Variants in CSF1R observed in about 807,000 individuals in gnomAD.
The protein encoded by CSF1R is colony stimulating factor 1 receptor.
In CSF1R, 40 loss-of-function variants were observed where a neutral mutation model predicts 110.0. That is an observed-to-expected ratio of 0.36 (90% CI 0.28 to 0.47). CSF1R has a LOEUF of 0.47. Ranked by LOEUF, CSF1R falls within the 20% of genes least tolerant of loss-of-function variation. The probability of loss-of-function intolerance (pLI) is 0.99; values close to 1 mark genes in which losing one functional copy is unlikely to be tolerated. For missense variants in CSF1R, 1,052 were observed against 1,253.0 expected (o/e 0.84, Z 2.42); for synonymous variants, 523 against 503.4 (o/e 1.04, Z -0.52).
intron 19 of CSF1R, 122 bp downstream of exon 19, chr5:150,055,115 G>T (rs1757144556): frequency 1.2e-6 from 1 of 806,232 alleles, no homozygotes; most frequent in Non-Finnish European, 2.0e-6. Flanking sequence ...TCCACTATGG[G>T]AGAGATAAAG....
chr5:150,095,980 C>T (rs1759211173), intron 1 of CSF1R, among the ~76,000 whole-genome samples: 1 of 152,138 alleles, frequency 6.6e-6, no homozygotes. Flanking sequence ...ATGAACAGTC[C>T]TGTATCTATT....
At chr5:150,061,449 TACCA>T in intron 12 of CSF1R, 38 bp downstream of exon 12, 1 of 469,314 alleles carries the variant, frequency 2.1e-6, no homozygotes, top group Non-Finnish European at 3.7e-6. Context: ...CCCCAGCATC[TACCA>T]CCCCCCATCC....
At chr5:150,082,499 C>T (rs552362401) in intron 1 of CSF1R, among the ~76,000 whole-genome samples, 1 of 152,374 alleles carries the variant, frequency 6.6e-6, no homozygotes, top group African/African-American at 2.4e-5. Context: ...TTGTAGCCCT[C>T]CTATGCAGTG....
At chr5:150,074,560 C>T (rs1264282689) in intron 5 of CSF1R, among the ~76,000 whole-genome samples, 1 of 152,074 alleles carries the variant, frequency 6.6e-6, no homozygotes, top group East Asian at 1.9e-4. Flanking sequence ...GTGGCAAGAA[C>T]CCCAATTCAC....
At chr5:150,092,424 T>C (rs981854581) in intron 1 of CSF1R, among the ~76,000 whole-genome samples, 2 of 148,368 alleles carry the variant, frequency 1.3e-5, no homozygotes, top group African/African-American at 5.1e-5. Context: ...CTAAACCCTG[T>C]ATATGCCATG....
chr5:150,112,848 T>C (rs1759767039), intron 1 of CSF1R, among the ~76,000 whole-genome samples: 1 of 152,184 alleles, frequency 6.6e-6, no homozygotes, highest in South Asian at 2.1e-4. Flanking sequence ...CCCAGACTCC[T>C]GGAGGCAGTC....
intron 1 of CSF1R, among the ~76,000 whole-genome samples, chr5:150,084,966 A>G (rs567768583): frequency 4.7e-4 from 71 of 152,022 alleles, no homozygotes; most frequent in Non-Finnish European, 9.1e-4. Context: ...TTTCTACTGC[A>G]TGTAAGTTAC....
At chr5:150,085,277 G>GAA (rs70973563) in intron 1 of CSF1R, among the ~76,000 whole-genome samples, 45 of 92,458 alleles carry the variant, frequency 4.9e-4, no homozygotes, top group Admixed American at 6.5e-4. Context: ...TCTGTCTCAG[G>GAA]AAAAAAAAAA....
At chr5:150,094,200 A>G in intron 1 of CSF1R, 1 of 687,132 alleles carries the variant, frequency 1.5e-6, no homozygotes, top group Admixed American at 3.0e-5. Flanking sequence ...AATGAGGGAC[A>G]TTACATAGTG....
chr5:150,100,249 G>A (rs1759361218), intron 1 of CSF1R, among the ~76,000 whole-genome samples: 1 of 149,436 alleles, frequency 6.7e-6, no homozygotes, highest in Non-Finnish European at 1.5e-5. Flanking sequence ...GGATGGGGGA[G>A]GGAAAGACAG....
At chr5:150,080,659 C>T in intron 2 of CSF1R, 108 bp downstream of exon 2, 1 of 1,399,856 alleles carries the variant, frequency 7.1e-7, no homozygotes, top group Non-Finnish European at 9.8e-7. Flanking sequence ...TGCTCATAGC[C>T]AGCACTCAGT....
Position 150,109,027 on chromosome 5 carries a change from G to A in CSF1R, c.-181+4234C>T, listed in dbSNP as rs545403481. Among the ~76,000 whole-genome samples the A allele has an allele frequency of 1.3e-4, 20 of 148,354 alleles. 1 individual carries two copies. Among genetic ancestry groups the A allele is most frequent in the Admixed American group, 1.2e-3 (18 of 14,622 alleles). On this transcript the variant is annotated intron_variant, in intron 1 of 21. Transcript: ENST00000286301. ...GTGGGAAACTTTCATGGCCCAGAGC[G>A]GCCCCAGAACCCCATCCCAAGGAGA...
intron 6 of CSF1R, among the ~76,000 whole-genome samples, chr5:150,072,154 G>A (rs184806699): frequency 6.6e-6 from 1 of 152,298 alleles, no homozygotes. Flanking sequence ...CCACGTATTC[G>A]CTGCCCTTAA....
At chr5:150,072,469 C>T (rs1758070311) in intron 6 of CSF1R, among the ~76,000 whole-genome samples, 1 of 151,980 alleles carries the variant, frequency 6.6e-6, no homozygotes, top group Non-Finnish European at 1.5e-5. Flanking sequence ...ACTCCAGCAA[C>T]AAGAGCAAAA....
rs757033979 is a variant in CSF1R at position 150,070,280 on chromosome 5, T to C, written c.1221A>G (p.Ile407Met). Residue 407 changes from isoleucine to methionine, a missense_variant, in exon 8 of 21, where the codon ATA becomes ATG. By Grantham distance (10) the Ile-to-Met change is conservative (BLOSUM62 1). Coordinates refer to ENST00000675795, the MANE Select transcript of CSF1R (RefSeq NM_001288705.3). ...TLRYPPEVSV[I>M]WTFINGSGTL... Reference sequence around the variant, plus strand: ...TGCCAGAGCCGTTGATGAATGTCCATATGACGCTTACCTCTGGGGGGTCTG... The same window carrying C: ...TGCCAGAGCCGTTGATGAATGTCCACATGACGCTTACCTCTGGGGGGTCTG... The C allele has an allele frequency of 1.2e-6, 2 of 1,614,098 alleles. No individual in the cohort carries two copies. Among genetic ancestry groups the C allele is most frequent in the Non-Finnish European group, 1.7e-6 (2 of 1,180,000 alleles).
At chr5:150,094,395 C>A in intron 1 of CSF1R, 3 of 1,599,444 alleles carry the variant, frequency 1.9e-6, no homozygotes, top group Non-Finnish European at 2.5e-6. Context: ...GAAGATGAAG[C>A]GCCTGAGAAA....
chr5:150,066,131 C>G (rs1757760014), intron 10 of CSF1R, among the ~76,000 whole-genome samples: 1 of 152,192 alleles, frequency 6.6e-6, no homozygotes, highest in African/African-American at 2.4e-5. Flanking sequence ...TGCCCGACCT[C>G]AGACCTCCCC....
chr5:150,057,891 G>A (rs1400897409), intron 14 of CSF1R, among the ~76,000 whole-genome samples: 1 of 152,204 alleles, frequency 6.6e-6, no homozygotes, highest in Non-Finnish European at 1.5e-5. Flanking sequence ...AAGGGCCACA[G>A]AGAAGTTGGA....
At position 150,053,380 on chromosome 5, in the gene CSF1R, G is replaced by A; in HGVS notation, c.*689C>T. 4.3e-6 allele frequency: 1 copy of A among 233,986 alleles called. No individual in the cohort carries two copies. The allele number at this position is 233,986 out of a possible 1,614,324, so 14.5% of individuals were successfully genotyped here. ...GATGAGTCAGCTTGGGGGAGTTTGT[G>A]CTTCCTGCTTGGTGTGGCCAGCCAC... On this transcript the variant is annotated 3_prime_UTR_variant, in exon 21 of 21. Transcript: ENST00000675795.
Sources: gnomAD v4.1 joint callset for allele counts (sites outside exome capture counted in the v4.1 genomes callset) on GRCh38, gnomAD v4.1.1 for gene constraint, MANE v1.5 for transcripts, NCBI Gene and HGNC (gene_info 2026-07-23, HGNC 2026-07-21) for gene names.